The following SPATA31A5 variants were observed in gnomAD, a reference collection of about 807,000 sequenced individuals.
The protein encoded by SPATA31A5 is spermatogenesis-associated protein 31A5.
chr9:60,914,795 G>A (rs1825487733), intron 1 of SPATA31A5, among the ~76,000 whole-genome samples, 171 bp downstream of exon 1: 1 of 2,036 alleles, frequency 4.9e-4, no homozygotes, highest in Non-Finnish European at 1.4e-3. Flanking sequence ...GGTAGGGGTA[G>A]ATAGTGTACT....
intron 1 of SPATA31A5, among the ~76,000 whole-genome samples, chr9:60,915,250 T>TTTTTATA: frequency 1.1e-5 from 1 of 87,634 alleles, no homozygotes; most frequent in East Asian, 2.4e-4. Context: ...GTGTGTGTTA[T>TTTTTATA]TTTTATTTTA....
intron 1 of SPATA31A5, among the ~76,000 whole-genome samples, chr9:60,915,250 T>TTTTCA (rs1825499355): frequency 1.4e-4 from 12 of 87,634 alleles, no homozygotes; most frequent in Non-Finnish European, 1.8e-4. Context: ...GTGTGTGTTA[T>TTTTCA]TTTTATTTTA....
chr9:60,915,310 G>T (rs1453842259), intron 1 of SPATA31A5, among the ~76,000 whole-genome samples: 3 of 71,286 alleles, frequency 4.2e-5, no homozygotes, highest in Admixed American at 1.6e-4. Flanking sequence ...TTGAGATGGA[G>T]TCTCGCTCTG....
intron 1 of SPATA31A5, among the ~76,000 whole-genome samples, chr9:60,915,360 T>C (rs1361244289): frequency 2.0e-5 from 1 of 50,460 alleles, no homozygotes; most frequent in Non-Finnish European, 4.4e-5. Context: ...ATCGGCTCAC[T>C]GCAACCTCTG....
At chr9:60,915,187 CTGTGTGTGTGTGTG>C (rs1161833993) in intron 1 of SPATA31A5, among the ~76,000 whole-genome samples, 19 of 76,988 alleles carry the variant, frequency 2.5e-4, no homozygotes, top group African/African-American at 8.6e-4. Context: ...GAAAATCCCT[CTGTGTGTGTGTGTG>C]TGTGTGTGTG....
At chr9:60,915,185 C>T (rs1298703332) in intron 1 of SPATA31A5, among the ~76,000 whole-genome samples, 15 of 80,794 alleles carry the variant, frequency 1.9e-4, no homozygotes, top group African/African-American at 7.0e-4. Flanking sequence ...TTGAAAATCC[C>T]TCTGTGTGTG....
rs1587523163 is a variant in SPATA31A5, at chr9:60,915,244, GTGT to G, written c.190-577_190-575del. Among the ~76,000 whole-genome samples, 3 of 118,202 alleles carry G rather than the reference GTGT, an allele frequency of 2.5e-5. 1 individual carries two copies. The highest frequency in any genetic ancestry group is 5.7e-4 in the South Asian group (2 of 3,480). 77.5% of individuals were successfully genotyped at this position (118,202 alleles called of 152,430 possible). A position where few individuals can be genotyped will look rare whatever the true frequency, so the allele number is the denominator to read the frequency against. On this transcript the variant is annotated intron_variant, in intron 1 of 3. Transcript: ENST00000437823. ...GTGTGTATTTTTATTTTATTTGTGT[GTGT>G]TATTTTTATTTTATTTTATTTTATT...
intron 2 of SPATA31A5, 52 bp downstream of exon 2, chr9:60,915,932 AG>A (rs1825515766): frequency 1.8e-6 from 1 of 544,384 alleles, no homozygotes; most frequent in African/African-American, 3.3e-5. Context: ...TCTGTCCCGA[AG>A]GGAACTGACT....
chr9:60,914,924 G>A lies in SPATA31A5; in HGVS notation c.189+300G>A, dbSNP rs1474769899. Among the ~76,000 whole-genome samples the A allele has an allele frequency of 1.5e-3, 39 of 25,470 alleles. No individual in the cohort carries two copies. In the Middle Eastern group the frequency reaches 0.052, roughly 34 times the overall value. The allele number at this position is 25,470 out of a possible 152,430, so 16.7% of individuals were successfully genotyped here. A position where few individuals can be genotyped will look rare whatever the true frequency, so the allele number is the denominator to read the frequency against. On this transcript the variant is annotated intron_variant, in intron 1 of 3. Transcript: ENST00000437823. The stretch of plus-strand genomic sequence containing the variant: ...CATGAGACTGGGGAGGTCTCTGTCC[G>A]AGACCAGGCCCTGAGCCCTGGCTCA...
Sources: allele counts gnomAD v4.1 joint callset (sites outside exome capture counted in the v4.1 genomes callset), GRCh38; gene constraint gnomAD v4.1.1; transcripts MANE v1.5; gene names NCBI Gene and HGNC (gene_info 2026-07-23, HGNC 2026-07-21).